LCORL: variants seen among roughly 807,000 people sequenced by gnomAD.
LCORL encodes the protein ligand dependent nuclear receptor corepressor like, also known as ligand-dependent nuclear receptor corepressor-like protein.
Under a neutral mutation model 141.8 loss-of-function variants are expected in LCORL, and 41 were observed. That is an observed-to-expected ratio of 0.29 (90% CI 0.23 to 0.38). LCORL has a LOEUF of 0.38. Among genes scored for constraint, LCORL ranks in the 10% least tolerant of loss-of-function variants. The probability of loss-of-function intolerance (pLI) is 1.00; values close to 1 mark genes in which losing one functional copy is unlikely to be tolerated. For synonymous variants in LCORL, 618 were observed against 694.1 expected, an observed-to-expected ratio of 0.89 and a Z score of 1.72; for missense variants, 1,759 against 2,035.0, an observed-to-expected ratio of 0.86 and a Z score of 2.61.
intron 1 of LCORL, among the ~76,000 whole-genome samples, chr4:17,988,724 C>A (rs1048899989): frequency 3.2e-4 from 48 of 152,170 alleles, no homozygotes; most frequent in African/African-American, 1.2e-3. Context: ...TGGCAGCTCA[C>A]GCCTGTAATC....
At chr4:17,976,112 T>C (rs185451643) in intron 1 of LCORL, among the ~76,000 whole-genome samples, 1 of 152,328 alleles carries the variant, frequency 6.6e-6, no homozygotes, top group Non-Finnish European at 1.5e-5. Flanking sequence ...ATTTTCATTA[T>C]GTATTTTTTT....
intron 5 of LCORL, among the ~76,000 whole-genome samples, chr4:17,895,693 G>A (rs748224134): frequency 1.6e-4 from 25 of 152,254 alleles, no homozygotes; most frequent in Admixed American, 2.6e-4. Flanking sequence ...ACCCTTGGGC[G>A]ACTGCTCTCC....
At chr4:17,869,018 G>C (rs1284661614) in intron 7 of LCORL, among the ~76,000 whole-genome samples, 1 of 148,298 alleles carries the variant, frequency 6.7e-6, no homozygotes, top group Admixed American at 6.7e-5. Context: ...TTACCGATTT[G>C]CCTTCCCACA....
chr4:17,920,668 T>C (rs1200063980), intron 4 of LCORL, among the ~76,000 whole-genome samples: 1 of 152,244 alleles, frequency 6.6e-6, no homozygotes, highest in Non-Finnish European at 1.5e-5. Flanking sequence ...ACCCTGCCAC[T>C]CCTTTATCAA....
At chr4:18,006,862 A>G (rs1439873336) in intron 1 of LCORL, among the ~76,000 whole-genome samples, 2 of 152,188 alleles carry the variant, frequency 1.3e-5, no homozygotes, top group African/African-American at 4.8e-5. Flanking sequence ...TTATTATATT[A>G]TATGAAAATA....
At chr4:17,916,908 G>T (rs1733532894) in intron 4 of LCORL, among the ~76,000 whole-genome samples, 1 of 152,116 alleles carries the variant, frequency 6.6e-6, no homozygotes, top group Non-Finnish European at 1.5e-5. Flanking sequence ...GCCTCACAAA[G>T]TACTGGCGTG....
At chr4:17,885,716 T>G (rs752066227) in intron 6 of LCORL, among the ~76,000 whole-genome samples, 35 of 151,936 alleles carry the variant, frequency 2.3e-4, no homozygotes, top group Non-Finnish European at 4.3e-4. Flanking sequence ...TGGAATTTGT[T>G]CATTGTTTTA....
At chr4:17,882,047 T>C in intron 6 of LCORL, 1 of 983,958 alleles carries the variant, frequency 1.0e-6, no homozygotes, top group Non-Finnish European at 1.2e-6. Flanking sequence ...GAGGGTTAAG[T>C]ATAGATCTCA....
intron 7 of LCORL, among the ~76,000 whole-genome samples, chr4:17,849,943 A>G (rs1210951502): frequency 2.6e-5 from 4 of 151,804 alleles, no homozygotes; most frequent in Admixed American, 6.6e-5. Flanking sequence ...ATATAGATCA[A>G]TGGAACAGAA....
intron 7 of LCORL, among the ~76,000 whole-genome samples, chr4:17,859,104 G>A (rs1260920200): frequency 6.6e-6 from 1 of 152,140 alleles, no homozygotes; most frequent in Non-Finnish European, 1.5e-5. Context: ...CATGCTTTGA[G>A]TACCCATACA....
intron 1 of LCORL, among the ~76,000 whole-genome samples, chr4:17,990,527 G>A (rs1719805772): frequency 6.6e-6 from 1 of 151,716 alleles, no homozygotes; most frequent in African/African-American, 2.4e-5. Context: ...GGGGTGGGAG[G>A]GTTGGTCTTG....
At chr4:17,923,038 G>T (rs1050423426) in intron 4 of LCORL, among the ~76,000 whole-genome samples, 1 of 152,180 alleles carries the variant, frequency 6.6e-6, no homozygotes, top group Non-Finnish European at 1.5e-5. Context: ...ACCCCTGTTT[G>T]CTTCTAGACC....
rs568392145 is a variant in LCORL, at chr4:17,881,984, A to T, written c.777-3771T>A. ...TTATGTATATTTTCTTGGGGTGAAA[A>T]AAAAAAAAAAGAGGATTCATACCCT... On this transcript the variant is annotated intron_variant, in intron 6 of 7. Coordinates refer to ENST00000635767, the Ensembl canonical transcript of LCORL. 408 of 965,990 alleles carry T rather than the reference A, an allele frequency of 4.2e-4. 2 individuals are homozygous for T. In the African/African-American group the frequency reaches 6.7e-3, roughly 16 times the overall value. 59.8% of individuals were successfully genotyped at this position (965,990 alleles called of 1,614,324 possible).
rs34770223 is a variant in LCORL, at chr4:17,898,652, G to GTT, written c.682+10440_682+10441dup. The stretch of plus-strand genomic sequence containing the variant: ...TCACTATCAAGAGATCATTCTCACC[G>GTT]TTTTTTTTTTTTTTTTTTTGATGTT... On this transcript the variant is annotated intron_variant, in intron 5 of 7. Transcript: ENST00000635767. Among the ~76,000 whole-genome samples, 113 of 119,252 alleles carry GTT rather than the reference G, an allele frequency of 9.5e-4. 1 individual carries two copies. Among genetic ancestry groups the GTT allele is most frequent in the Middle Eastern group, 4.8e-3 (1 of 208 alleles). The allele number at this position is 119,252 out of a possible 152,430, so 78.2% of individuals were successfully genotyped here. A position where few individuals can be genotyped will look rare whatever the true frequency, so the allele number is the denominator to read the frequency against.
rs565090845 is a variant in LCORL, at chr4:17,895,600, A to G, written c.683-9439T>C. Among the ~76,000 whole-genome samples the G allele has an allele frequency of 6.6e-5, 10 of 152,306 alleles. No homozygotes were observed. In the South Asian group the frequency reaches 2.1e-3, roughly 32 times the overall value. The stretch of plus-strand genomic sequence containing the variant: ...TTGATCCCGTAATCTTGGCTATTAC[A>G]ATTCAGCAGTTTTCTCTGTATTCAG... On this transcript the variant is annotated intron_variant, in intron 5 of 7. Transcript: ENST00000635767.
rs555058773 is a variant in LCORL, at chr4:17,951,004, T to G, written c.430+10899A>C. Among the ~76,000 whole-genome samples, 13 of 152,226 alleles carry G rather than the reference T, an allele frequency of 8.5e-5. No homozygotes were observed. The East Asian group carries it at 2.5e-3, about 29-fold the overall frequency. Reference sequence around the variant, plus strand: ...CCAGTTGGTTTGTCTATGGCTTCAGTTGATGGTTCAGAGCTACTTCCATGG... The same window carrying G: ...CCAGTTGGTTTGTCTATGGCTTCAGGTGATGGTTCAGAGCTACTTCCATGG... On this transcript the variant is annotated intron_variant, in intron 4 of 7. Coordinates refer to ENST00000635767, the Ensembl canonical transcript of LCORL.
chr4:17,887,244 C>A (rs1003713342), intron 5 of LCORL, among the ~76,000 whole-genome samples: 1 of 151,930 alleles, frequency 6.6e-6, no homozygotes, highest in African/African-American at 2.4e-5. Flanking sequence ...AAAAGTCATA[C>A]AAAGTACCTA....
chr4:17,935,269 TA>T (rs1443610324), intron 4 of LCORL, among the ~76,000 whole-genome samples: 4 of 152,160 alleles, frequency 2.6e-5, no homozygotes, highest in African/African-American at 9.7e-5. Context: ...AAATCAAATA[TA>T]TTAACCATTA....
intron 2 of LCORL, among the ~76,000 whole-genome samples, chr4:17,970,310 T>C (rs1715683845): frequency 1.3e-5 from 2 of 152,206 alleles, no homozygotes; most frequent in African/African-American, 2.4e-5. Flanking sequence ...AAAAATGTTC[T>C]CTCCTTGTGC....
Sources: allele counts gnomAD v4.1 joint callset (sites outside exome capture counted in the v4.1 genomes callset), GRCh38; gene constraint gnomAD v4.1.1; transcripts MANE v1.5; gene names NCBI Gene and HGNC (gene_info 2026-07-23, HGNC 2026-07-21).